Variants in DDAH1 observed in about 807,000 individuals in gnomAD.
DDAH1 encodes the protein dimethylarginine dimethylaminohydrolase 1, also known as N(G),N(G)-dimethylarginine dimethylaminohydrolase 1.
A neutral mutation model predicts 28.8 loss-of-function variants in DDAH1; 19 were observed. That is an observed-to-expected ratio of 0.66 (90% CI 0.46 to 0.97). DDAH1 has a LOEUF of 0.97. Ranked by LOEUF, DDAH1 falls within the 50% of genes least tolerant of loss-of-function variation. DDAH1 has a pLI of 0.00. For missense variants in DDAH1, 326 were observed against 375.9 expected, an observed-to-expected ratio of 0.87 and a Z score of 1.10; for synonymous variants, 153 against 154.4, an observed-to-expected ratio of 0.99 and a Z score of 0.07.
intron 1 of DDAH1, among the ~76,000 whole-genome samples, chr1:85,526,706 T>C (rs1468358194): frequency 2.0e-5 from 3 of 148,016 alleles, no homozygotes; most frequent in Non-Finnish European, 3.0e-5. Flanking sequence ...GAGTATCCCA[T>C]AGGCCAGAAA....
chr1:85,416,111 G>A (rs1652873924), intron 1 of DDAH1, among the ~76,000 whole-genome samples: 1 of 151,918 alleles, frequency 6.6e-6, no homozygotes, highest in Non-Finnish European at 1.5e-5. Flanking sequence ...GCTTATGTTA[G>A]GACATATTTG....
chr1:85,332,803 A>C (rs233055), intron 4 of DDAH1, among the ~76,000 whole-genome samples: 55,442 of 151,238 alleles, frequency 0.37, 10,239 homozygotes, highest in South Asian at 0.42. Flanking sequence ...TCTGGGCAAT[A>C]CTCCTGGAAC....
At chr1:85,503,565 CTAT>C (rs1557699739) in intron 1 of DDAH1, among the ~76,000 whole-genome samples, 3 of 151,916 alleles carry the variant, frequency 2.0e-5, no homozygotes, top group Non-Finnish European at 4.4e-5. Flanking sequence ...ATCTATCTAT[CTAT>C]CCATCTATCT....
Position 85,508,834 on chromosome 1 carries a change from G to C in DDAH1, c.-122-12553C>G, listed in dbSNP as rs574235191. Among the ~76,000 whole-genome samples, 27 of 152,344 alleles carry C rather than the reference G, an allele frequency of 1.8e-4. 1 individual carries two copies. In the South Asian group the frequency reaches 5.6e-3, roughly 32 times the overall value. ...GCGGCCAAGAAGCTCGAACTGGGTG[G>C]AGCCCACTGCAGCTCAACAAGGCCT... On this transcript the variant is annotated intron_variant, in intron 1 of 6. Transcript: ENST00000426972.
chr1:85,361,661 T>C (rs527621702), intron 1 of DDAH1, among the ~76,000 whole-genome samples: 1 of 152,232 alleles, frequency 6.6e-6, no homozygotes, highest in Non-Finnish European at 1.5e-5. Context: ...TCATGCTACA[T>C]GCACTTTGCA....
intron 1 of DDAH1, among the ~76,000 whole-genome samples, chr1:85,446,805 T>G (rs1654448058): frequency 6.6e-6 from 1 of 152,140 alleles, no homozygotes; most frequent in Admixed American, 6.5e-5. Flanking sequence ...TCATTTCCAG[T>G]TAGTTCCTCC....
intron 1 of DDAH1, chr1:85,404,655 T>A (rs755535052): frequency 1.3e-5 from 8 of 598,480 alleles, no homozygotes; most frequent in Non-Finnish European, 1.9e-5. Flanking sequence ...AGTATTTCTT[T>A]AAATTCCACG....
chr1:85,369,523 C>T (rs12758768), intron 1 of DDAH1, among the ~76,000 whole-genome samples: 24,420 of 152,084 alleles, frequency 0.16, 2,278 homozygotes, highest in Admixed American at 0.22. Context: ...TCTAAAAACC[C>T]GCAGGTGAGA....
intron 1 of DDAH1, among the ~76,000 whole-genome samples, chr1:85,390,063 G>T (rs1046224374): frequency 6.6e-6 from 1 of 152,178 alleles, no homozygotes; most frequent in Admixed American, 6.5e-5. Flanking sequence ...AAGATAGAAA[G>T]AAATATGTGG....
Position 85,485,706 on chromosome 1 carries a change from CATT to C in DDAH1, c.-7+10457_-7+10459del, listed in dbSNP as rs34550286. ...TTACTATAGAAAATGAGCACTAACACATTATATCAATGGACGCATTTAAACAGC... is the reference window on the plus strand; with the variant it reads ...TTACTATAGAAAATGAGCACTAACACATATCAATGGACGCATTTAAACAGC... On this transcript the variant is annotated intron_variant, in intron 2 of 6. Transcript: ENST00000426972. Among the ~76,000 whole-genome samples the C allele has an allele frequency of 5.0e-4, 76 of 152,292 alleles. 1 individual carries two copies. The East Asian group carries it at 0.012, about 24-fold the overall frequency.
At position 85,464,962 on chromosome 1, in the gene DDAH1, G is replaced by A. The variant is rs768174274; in HGVS notation, c.84C>T (p.His28=). 6.1e-6 allele frequency: 9 copies of A among 1,487,026 alleles called. No individual in the cohort carries two copies. The African/African-American group carries it at 7.2e-5, about 12-fold the overall frequency. The allele number at this position is 1,487,026 out of a possible 1,614,324, so 92.1% of individuals were successfully genotyped here. The change falls in exon 1 of 6, where the codon CAC becomes CAT. Residue 28 remains histidine (H), a synonymous_variant. Coordinates refer to ENST00000284031, the MANE Select transcript of DDAH1 (RefSeq NM_012137.4). This position sits in a 1 kb window ranked among gnomAD's most constrained non-coding sequence, Gnocchi z 4.4. The part of the protein sequence containing the change: ...VRALPESLGQ[H]ALRSAKGEEV... ...CCTCGCCCTTGGCGCTTCTCAGCGC[G>A]TGCTGGCCGAGCGACTCGGGTAGCG...
At chr1:85,559,867 T>G (rs1659092145) in intron 1 of DDAH1, among the ~76,000 whole-genome samples, 1 of 151,098 alleles carries the variant, frequency 6.6e-6, no homozygotes, top group Admixed American at 6.6e-5. Context: ...GTCTAACACA[T>G]GCAAACTTGT....
chr1:85,536,403 A>G (rs1307473266), intron 1 of DDAH1, among the ~76,000 whole-genome samples: 4 of 146,912 alleles, frequency 2.7e-5, no homozygotes, highest in African/African-American at 1.0e-4. Flanking sequence ...ATATACAAAA[A>G]TTAGCTGGGT....
intron 1 of DDAH1, among the ~76,000 whole-genome samples, chr1:85,429,383 T>C (rs1336797828): frequency 6.6e-6 from 1 of 152,202 alleles, no homozygotes; most frequent in Non-Finnish European, 1.5e-5. Flanking sequence ...CCATGGTGTA[T>C]ATGTGCCACA....
At chr1:85,415,702 A>G (rs1652860245) in intron 1 of DDAH1, among the ~76,000 whole-genome samples, 1 of 152,216 alleles carries the variant, frequency 6.6e-6, no homozygotes, top group Non-Finnish European at 1.5e-5. Context: ...GTAATGAAAT[A>G]ATGAAGAAAA....
At chr1:85,548,002 C>G (rs1403170642) in intron 1 of DDAH1, among the ~76,000 whole-genome samples, 2 of 152,060 alleles carry the variant, frequency 1.3e-5, no homozygotes, top group Non-Finnish European at 2.9e-5. Flanking sequence ...GTCTGTAAAC[C>G]CCAAATATAG....
intron 1 of DDAH1, among the ~76,000 whole-genome samples, chr1:85,563,361 A>G (rs1349816028): frequency 6.6e-6 from 1 of 152,228 alleles, no homozygotes; most frequent in Non-Finnish European, 1.5e-5. Flanking sequence ...TGCGACATAC[A>G]AAGAGCTGGG....
chr1:85,560,383 T>A (rs1208003587), intron 1 of DDAH1, among the ~76,000 whole-genome samples: 2 of 152,048 alleles, frequency 1.3e-5, no homozygotes, highest in Non-Finnish European at 2.9e-5. Flanking sequence ...TACAAAGGAA[T>A]AATGAATGTC....
rs1328441154 is a variant in DDAH1 at position 85,319,232 on chromosome 1, G to A, written c.*2220C>T. ...CCAGCCTAGCAGGTAACATAGCAGA[G>A]CAGAATGCAATGTAGAAGAGGCACA... On this transcript the variant is annotated 3_prime_UTR_variant, in exon 6 of 6. Coordinates refer to ENST00000284031, the MANE Select transcript of DDAH1 (RefSeq NM_012137.4). 1 of 152,118 alleles carries A rather than the reference G, an allele frequency of 6.6e-6. No homozygotes were observed. 9.4% of individuals were successfully genotyped at this position (152,118 alleles called of 1,614,324 possible).
Sources: allele counts gnomAD v4.1 joint callset (sites outside exome capture counted in the v4.1 genomes callset), GRCh38; gene constraint gnomAD v4.1.1; non-coding constraint Gnocchi (gnomAD v3.1); transcripts MANE v1.5; gene names NCBI Gene and HGNC (gene_info 2026-07-23, HGNC 2026-07-21).